PLEKHB1: variants seen among roughly 807,000 people sequenced by gnomAD.
PLEKHB1 encodes the protein pleckstrin homology domain containing B1.
Under a neutral mutation model 36.2 loss-of-function variants are expected in PLEKHB1, and 29 were observed. The ratio of observed to expected loss-of-function variants is 0.80; its 90% CI spans 0.60 to 1.09. The LOEUF (loss-of-function observed/expected upper bound fraction) is 1.09, where lower values mean the gene tolerates loss of function less well. PLEKHB1 is among the 50% of genes least tolerant of loss of function. The pLI is 0.00. For missense variants in PLEKHB1, 330 were observed against 348.2 expected, an observed-to-expected ratio of 0.95 and a Z score of 0.42; for synonymous variants, 138 against 140.0, an observed-to-expected ratio of 0.99 and a Z score of 0.10.
chr11:73,648,782 CT>C (rs1380404712), intron 1 of PLEKHB1: 26 of 1,290,374 alleles, frequency 2.0e-5, no homozygotes, highest in Non-Finnish European at 2.6e-5. Flanking sequence ...ATCCAGGCTC[CT>C]GGTCCCCACC....
chr11:73,660,808 A>C lies in PLEKHB1; in HGVS notation c.551A>C (p.His184Pro). 2 of 1,602,672 alleles carry C rather than the reference A, an allele frequency of 1.2e-6. No homozygotes were observed. Among genetic ancestry groups the C allele is most frequent in the Non-Finnish European group, 1.7e-6 (2 of 1,175,692 alleles). The change falls in exon 7 of 8, where the codon CAC (histidine) becomes CCC (proline). Residue 184 changes from histidine to proline, a missense_variant. His to Pro is a moderately conservative substitution (Grantham distance 77). Coordinates refer to ENST00000354190, the MANE Select transcript of PLEKHB1 (RefSeq NM_021200.3). ...DYYEVVPPNAHEATYVRSYYG... is the reference protein window; with the variant it reads ...DYYEVVPPNAPEATYVRSYYG... ...TACGAGGTGGTGCCCCCCAATGCAC[A>C]CGAGGCCACGTATGTCCGCAGCTAC...
chr11:73,654,901 C>T (rs952381126), intron 5 of PLEKHB1, among the ~76,000 whole-genome samples: 13 of 152,134 alleles, frequency 8.5e-5, no homozygotes, highest in African/African-American at 2.4e-4. Flanking sequence ...CATTCAGCAG[C>T]GAGGGCTGTG....
intron 6 of PLEKHB1, 37 bp downstream of exon 6, chr11:73,655,944 G>A (rs1163349654): frequency 1.3e-6 from 2 of 1,578,570 alleles, no homozygotes; most frequent in Admixed American, 1.7e-5. Flanking sequence ...CTCCATACTG[G>A]CCACCAGGAT....
At chr11:73,651,733 G>T (rs1288694643) in intron 3 of PLEKHB1, 55 bp from the exon 4 acceptor site, 3 of 1,415,544 alleles carry the variant, frequency 2.1e-6, no homozygotes, top group African/African-American at 1.4e-5. Context: ...CTGCTTTACT[G>T]GGGGGACCTG....
chr11:73,649,178 G>T, intron 2 of PLEKHB1, 91 bp downstream of exon 2: 1 of 1,460,972 alleles, frequency 6.8e-7, no homozygotes, highest in South Asian at 1.3e-5. Context: ...AAGAAACCAG[G>T]ACCTTTTCAT....
intron 5 of PLEKHB1, among the ~76,000 whole-genome samples, chr11:73,654,185 A>G (rs1944951863): frequency 6.6e-6 from 1 of 152,210 alleles, no homozygotes; most frequent in African/African-American, 2.4e-5. Context: ...TGATGAGTAC[A>G]GGACATATTT....
chr11:73,652,988 G>A lies in PLEKHB1; in HGVS notation c.364G>A (p.Ala122Thr). ...TKDDALAWKT[A>T]LLEANSTPAP... is the part of the protein sequence containing the mutation. ...TTTGCTTTGCAGAGCATGGAAGACA[G>A]CACTGCTGGAGGCAAACTCCACCCC... Residue 122 changes from alanine (A) to threonine (T), a missense_variant, in exon 5 of 8, where the codon GCA becomes ACA. Physicochemically the swap from Ala to Thr is moderately conservative, Grantham distance 58 (BLOSUM62 0). Transcript: ENST00000354190. The A allele has an allele frequency of 6.2e-7, 1 of 1,610,268 alleles. No individual in the cohort carries two copies. The highest frequency in any genetic ancestry group is 8.5e-7 in the Non-Finnish European group (1 of 1,177,420).
At chr11:73,646,976 C>T (rs575694921) in intron 1 of PLEKHB1, among the ~76,000 whole-genome samples, 3 of 152,232 alleles carry the variant, frequency 2.0e-5, no homozygotes, top group South Asian at 4.1e-4. Flanking sequence ...CCAAGCTCTC[C>T]GCCTGTCATG....
chr11:73,649,292 GGCCCCTCTCTGAGGA>G (rs1435050881), intron 2 of PLEKHB1, among the ~76,000 whole-genome samples: 17 of 151,988 alleles, frequency 1.1e-4, no homozygotes, highest in African/African-American at 4.1e-4. Context: ...ATCTCAGATG[GGCCCCTCTCTGAGGA>G]GCCTTCTCTG....
Position 73,649,058 on chromosome 11 carries a change from T to G in PLEKHB1, c.65T>G (p.Leu22Arg), listed in dbSNP as rs1944829871. 1.2e-6 allele frequency: 2 copies of G among 1,601,822 alleles called. No individual in the cohort carries two copies. Among genetic ancestry groups the G allele is most frequent in the Non-Finnish European group, 8.5e-7 (1 of 1,174,406 alleles). ...ALESPFEEMA[L>R]VRGGWLWRQS... The stretch of plus-strand genomic sequence containing the variant: ...GAAAGTCCTTTTGAAGAAATGGCCC[T>G]GGTGAGGGGCGGCTGGCTGTGGAGA... The change falls in exon 2 of 8, where the codon CTG (leucine) becomes CGG (arginine). Residue 22 changes from leucine to arginine, a missense_variant. By Grantham distance (102) the Leu-to-Arg change is moderately radical. Transcript: ENST00000354190.
At position 73,646,589 on chromosome 11, in the gene PLEKHB1, G is replaced by A. The variant is rs1031657746; in HGVS notation, c.-20G>A. On this transcript the variant is annotated 5_prime_UTR_variant, in exon 1 of 8. Coordinates refer to ENST00000354190, the MANE Select transcript of PLEKHB1 (RefSeq NM_021200.3). Reference sequence around the variant, plus strand: ...CTGCGGGAGCCTTCTGGGAAATGCTGCCCTGGCCACCCAGGAACCATGAGC... The same window carrying A: ...CTGCGGGAGCCTTCTGGGAAATGCTACCCTGGCCACCCAGGAACCATGAGC... 4 of 1,551,516 alleles carry A rather than the reference G, an allele frequency of 2.6e-6. No homozygotes were observed. The highest frequency in any genetic ancestry group is 3.5e-6 in the Non-Finnish European group (4 of 1,146,944).
intron 6 of PLEKHB1, among the ~76,000 whole-genome samples, chr11:73,656,923 C>G (rs1222157933): frequency 6.6e-6 from 1 of 152,160 alleles, no homozygotes; most frequent in Non-Finnish European, 1.5e-5. Context: ...GAGGCTGAGG[C>G]GGGCAGGTTG....
In PLEKHB1 at chr11:73,661,623, G is replaced by A. The variant is rs1482039962; in HGVS notation, c.*21G>A. On this transcript the variant is annotated 3_prime_UTR_variant, in exon 8 of 8. Transcript: ENST00000354190. This position sits in a 1 kb window ranked among gnomAD's most constrained non-coding sequence, Gnocchi z 4.6. Reference sequence around the variant, plus strand: ...TCTGAGCCCTGGGACTCGGAGCACTGACCCCTGCGCTTGGATTGCTAGACT... The same window carrying A: ...TCTGAGCCCTGGGACTCGGAGCACTAACCCCTGCGCTTGGATTGCTAGACT... 15 of 1,554,550 alleles carry A rather than the reference G, an allele frequency of 9.6e-6. No homozygotes were observed. The highest frequency in any genetic ancestry group is 1.3e-5 in the Non-Finnish European group (15 of 1,153,410).
In PLEKHB1 at chr11:73,661,510, A is replaced by C. The variant is rs370479206; in HGVS notation, c.640A>C (p.Ser214Arg). The C allele has an allele frequency of 9.3e-6, 15 of 1,613,478 alleles. No homozygotes were observed. The highest frequency in any genetic ancestry group is 5.3e-5 in the African/African-American group (4 of 74,902). ...HVIVREDPCYSAGAPLAMGML... is the reference protein window; with the variant it reads ...HVIVREDPCYRAGAPLAMGML... Reference sequence around the variant, plus strand: ...GATAGTGCGGGAGGATCCCTGCTACAGCGCCGGCGCCCCTCTGGCCATGGG... The same window carrying C: ...GATAGTGCGGGAGGATCCCTGCTACCGCGCCGGCGCCCCTCTGGCCATGGG... The change falls in exon 8 of 8, where the codon AGC (serine) becomes CGC (arginine). Residue 214 changes from serine to arginine, a missense_variant. Ser to Arg is a moderately radical substitution (Grantham distance 110). Coordinates refer to ENST00000354190, the MANE Select transcript of PLEKHB1 (RefSeq NM_021200.3). This position sits in a 1 kb window ranked among gnomAD's most constrained non-coding sequence, Gnocchi z 4.6.
chr11:73,650,515 G>A lies in PLEKHB1; in HGVS notation c.95-38G>A, dbSNP rs1944864780. 3.8e-6 allele frequency: 6 copies of A among 1,568,624 alleles called. No homozygotes were observed. In the South Asian group the frequency reaches 6.0e-5, roughly 16 times the overall value. The stretch of plus-strand genomic sequence containing the variant: ...GGGGCTTCTATTCCCAGCAGGCTCT[G>A]GGATCAGCCTGCCTAGTGCATCTGG... On this transcript the variant is annotated intron_variant, in intron 2 of 7. Transcript: ENST00000354190.
rs746542899 is a variant in PLEKHB1 at position 73,660,769 on chromosome 11, C to T, written c.512C>T (p.Pro171Leu). ...ERRIWVRVYSPYQDYYEVVPP... is the reference protein window; with the variant it reads ...ERRIWVRVYSLYQDYYEVVPP... ...ATTCCCCAGGTGCGCGTCTACAGCC[C>T]GTACCAAGACTACTACGAGGTGGTG... Residue 171 changes from proline to leucine, a missense_variant, in exon 7 of 8, where the codon CCG becomes CTG. Coordinates refer to ENST00000354190, the MANE Select transcript of PLEKHB1 (RefSeq NM_021200.3). 6.3e-7 allele frequency: 1 copy of T among 1,597,520 alleles called. No homozygotes were observed. The highest frequency in any genetic ancestry group is 8.5e-7 in the Non-Finnish European group (1 of 1,173,344).
intron 5 of PLEKHB1, among the ~76,000 whole-genome samples, chr11:73,655,289 A>G (rs931069510): frequency 2.0e-5 from 3 of 151,884 alleles, no homozygotes; most frequent in Admixed American, 6.6e-5. Context: ...GTGTCTACCT[A>G]TCTTTGTGTG....
chr11:73,650,494 C>A (rs942692403), intron 2 of PLEKHB1, 59 bp from the exon 3 acceptor site: 4 of 1,521,612 alleles, frequency 2.6e-6, no homozygotes, highest in South Asian at 1.3e-5. Context: ...CTGTCTGGGG[C>A]TTCTATTCCC....
In PLEKHB1 at chr11:73,659,974, A is replaced by G. The variant is rs79659274; in HGVS notation, c.496-779A>G. ...GGACCACATATACAAAGGTGGTTCC[A>G]TAAGATTATAATGGAGCTGAAAATT... On this transcript the variant is annotated intron_variant, in intron 6 of 7. Coordinates refer to ENST00000354190, the MANE Select transcript of PLEKHB1 (RefSeq NM_021200.3). Among the ~76,000 whole-genome samples, 237 of 152,368 alleles carry G rather than the reference A, an allele frequency of 1.6e-3. 3 individuals are homozygous for G. In the East Asian group the frequency reaches 0.033, roughly 21 times the overall value.
Sources: gnomAD v4.1 joint callset for allele counts (sites outside exome capture counted in the v4.1 genomes callset) on GRCh38, gnomAD v4.1.1 for gene constraint, Gnocchi (gnomAD v3.1) non-coding constraint, MANE v1.5 for transcripts, NCBI Gene and HGNC (gene_info 2026-07-23, HGNC 2026-07-21) for gene names.